PKP4: variants seen among roughly 807,000 people sequenced by gnomAD.
PKP4 encodes the protein plakophilin 4.
In PKP4, 90 loss-of-function variants were observed where a neutral mutation model predicts 145.1. That is an observed-to-expected ratio of 0.62 (90% CI 0.52 to 0.74). The LOEUF is 0.74. Among genes scored for constraint, PKP4 ranks in the 30% least tolerant of loss-of-function variants. The pLI is 0.00. For missense variants in PKP4, 1,340 were observed against 1,482.7 expected (o/e 0.90, Z 1.58); for synonymous variants, 563 against 577.2 (o/e 0.98, Z 0.35).
chr2:158,470,171 A>G (rs765583492), intron 1 of PKP4, among the ~76,000 whole-genome samples: 4 of 151,996 alleles, frequency 2.6e-5, no homozygotes, highest in Non-Finnish European at 5.9e-5. Flanking sequence ...TTCCTAACAT[A>G]TAGTAAGCAA....
chr2:158,521,228 C>T (rs568898955), intron 1 of PKP4, among the ~76,000 whole-genome samples: 12 of 152,282 alleles, frequency 7.9e-5, no homozygotes, highest in East Asian at 3.9e-4. Flanking sequence ...TATTCCAGGT[C>T]CTCACCAAAA....
At chr2:158,534,546 G>A (rs888430626) in intron 2 of PKP4, among the ~76,000 whole-genome samples, 8 of 152,182 alleles carry the variant, frequency 5.3e-5, no homozygotes, top group Non-Finnish European at 1.2e-4. Context: ...GCACTTCATA[G>A]TTGTCAAGAT....
At chr2:158,534,759 CT>C (rs2043889342) in intron 2 of PKP4, among the ~76,000 whole-genome samples, 1 of 152,072 alleles carries the variant, frequency 6.6e-6, no homozygotes, top group Non-Finnish European at 1.5e-5. Flanking sequence ...AATAAGGAAA[CT>C]TGTTAAGATT....
At chr2:158,674,558 G>T (rs1454249708) in intron 19 of PKP4, among the ~76,000 whole-genome samples, 1 of 152,210 alleles carries the variant, frequency 6.6e-6, no homozygotes, top group Admixed American at 6.5e-5. Context: ...GCTAATGGAA[G>T]CAGGCCTTAC....
At chr2:158,552,727 T>G (rs1297029225) in intron 2 of PKP4, among the ~76,000 whole-genome samples, 1 of 152,176 alleles carries the variant, frequency 6.6e-6, no homozygotes, top group Non-Finnish European at 1.5e-5. Context: ...ATTTTTTTGG[T>G]TTCCCAGTGC....
intron 1 of PKP4, among the ~76,000 whole-genome samples, chr2:158,497,335 G>A (rs977349943): frequency 6.6e-6 from 1 of 152,122 alleles, no homozygotes; most frequent in Non-Finnish European, 1.5e-5. Context: ...TGAGTGGCCT[G>A]CCTTTTCCTC....
intron 2 of PKP4, among the ~76,000 whole-genome samples, chr2:158,538,054 C>G (rs562891418): frequency 6.6e-6 from 1 of 152,152 alleles, no homozygotes; most frequent in African/African-American, 2.4e-5. Flanking sequence ...CTCAAAGGAT[C>G]CTGCCTCTTC....
At chr2:158,584,714 G>T (rs1241094945) in intron 3 of PKP4, among the ~76,000 whole-genome samples, 2 of 152,142 alleles carry the variant, frequency 1.3e-5, no homozygotes, top group Admixed American at 6.5e-5. Flanking sequence ...TAGAATTGAA[G>T]ATTTCATAAA....
At chr2:158,566,692 A>G (rs2047016649) in intron 2 of PKP4, among the ~76,000 whole-genome samples, 1 of 152,160 alleles carries the variant, frequency 6.6e-6, no homozygotes, top group Non-Finnish European at 1.5e-5. Context: ...CACTCCTCCA[A>G]CTATCCATTT....
intron 2 of PKP4, among the ~76,000 whole-genome samples, chr2:158,563,752 T>G (rs1418221610): frequency 1.3e-5 from 2 of 152,148 alleles, no homozygotes; most frequent in Non-Finnish European, 2.9e-5. Context: ...CACCAAGAGT[T>G]TGTACTAGTG....
intron 3 of PKP4, among the ~76,000 whole-genome samples, chr2:158,597,911 C>G (rs72938765): frequency 0.12 from 17,652 of 152,112 alleles, 1,321 homozygotes; most frequent in Non-Finnish European, 0.16. Context: ...GAGCCTTGCT[C>G]TCAGGCTCAG....
At chr2:158,511,136 C>G (rs1318856162) in intron 1 of PKP4, among the ~76,000 whole-genome samples, 1 of 152,216 alleles carries the variant, frequency 6.6e-6, no homozygotes, top group Non-Finnish European at 1.5e-5. Flanking sequence ...CCTGAAATCT[C>G]AGCACTTTGG....
chr2:158,586,167 C>T (rs1439281326), intron 3 of PKP4, among the ~76,000 whole-genome samples: 1 of 152,090 alleles, frequency 6.6e-6, no homozygotes, highest in Non-Finnish European at 1.5e-5. Flanking sequence ...ATTTATTAGG[C>T]ATCAGTTGTA....
chr2:158,526,106 AAG>A (rs1441265975), intron 1 of PKP4, among the ~76,000 whole-genome samples: 35 of 151,212 alleles, frequency 2.3e-4, no homozygotes, highest in African/African-American at 8.5e-4. Context: ...TGAATAGAAA[AAG>A]AGGGAATCCT....
intron 3 of PKP4, among the ~76,000 whole-genome samples, chr2:158,597,004 T>G (rs2049813397): frequency 6.6e-6 from 1 of 152,204 alleles, no homozygotes; most frequent in Non-Finnish European, 1.5e-5. Context: ...TAGGTCTTTG[T>G]TTTTGTTTTT....
chr2:158,610,901 C>G (rs1221193915), intron 4 of PKP4, among the ~76,000 whole-genome samples: 3 of 152,190 alleles, frequency 2.0e-5, no homozygotes, highest in Non-Finnish European at 4.4e-5. Context: ...CCCCACCAGC[C>G]AGCCAGCCAA....
At chr2:158,521,193 A>G (rs987453901) in intron 1 of PKP4, among the ~76,000 whole-genome samples, 1 of 152,224 alleles carries the variant, frequency 6.6e-6, no homozygotes. Context: ...TTACACTGTC[A>G]TCAGCAGCAT....
intron 4 of PKP4, among the ~76,000 whole-genome samples, chr2:158,614,205 G>C (rs1296791296): frequency 1.3e-5 from 2 of 152,038 alleles, no homozygotes; most frequent in Non-Finnish European, 2.9e-5. Flanking sequence ...GATTTGTTTT[G>C]AACTTCTACA....
chr2:158,577,662 G>A (rs746536157), intron 3 of PKP4, among the ~76,000 whole-genome samples: 2 of 152,168 alleles, frequency 1.3e-5, no homozygotes, highest in Non-Finnish European at 2.9e-5. Context: ...GGGTGTTGTC[G>A]TGATTAATTG....
Sources: gnomAD v4.1 joint callset for allele counts (sites outside exome capture counted in the v4.1 genomes callset) on GRCh38, gnomAD v4.1.1 for gene constraint, MANE v1.5 for transcripts, NCBI Gene and HGNC (gene_info 2026-07-23, HGNC 2026-07-21) for gene names.